KIAA0319: variants seen among roughly 807,000 people sequenced by gnomAD.
KIAA0319 encodes KIAA0319.
KIAA0319 carries 83 observed loss-of-function variants against 108.4 expected under a neutral mutation model. The ratio of observed to expected loss-of-function variants is 0.77; its 90% CI spans 0.64 to 0.92. KIAA0319 has a LOEUF of 0.92. KIAA0319 is among the 40% of genes least tolerant of loss of function. The probability of loss-of-function intolerance (pLI) is 0.00; values close to 1 mark genes in which losing one functional copy is unlikely to be tolerated. For missense variants in KIAA0319, 1,195 were observed against 1,322.4 expected (o/e 0.90, Z 1.49); for synonymous variants, 484 against 510.4 (o/e 0.95, Z 0.70).
In KIAA0319 at chr6:24,578,125, C is replaced by A. The variant is rs753668497; in HGVS notation, c.1490G>T (p.Gly497Val). ...PVLRLSNLDP[G>V]NYSFRLTVTD... is the part of the protein sequence containing the mutation. ...ACCCACTTGCCTGAAACTATAGTTA[C>A]CAGGATCAAGGTTAGACAAGCGTAA... The change falls in exon 9 of 21, where the codon GGT (glycine) becomes GTT (valine). Residue 497 changes from glycine to valine, a missense_variant. Physicochemically the swap from Gly to Val is moderately radical, Grantham distance 109. Transcript: ENST00000378214. The A allele has an allele frequency of 1.2e-6, 2 of 1,610,408 alleles. No individual in the cohort carries two copies. The highest frequency in any genetic ancestry group is 1.7e-6 in the Non-Finnish European group (2 of 1,178,420).
At chr6:24,579,428 TATATCTTATATATCTC>T (rs1396987858) in intron 8 of KIAA0319, among the ~76,000 whole-genome samples, 5 of 143,216 alleles carry the variant, frequency 3.5e-5, no homozygotes, top group South Asian at 2.1e-4. Flanking sequence ...TATATATATA[TATATCTTATATATCTC>T]ATATATATCT....
chr6:24,620,570 G>T (rs1773793070), intron 1 of KIAA0319, among the ~76,000 whole-genome samples: 1 of 152,164 alleles, frequency 6.6e-6, no homozygotes. Flanking sequence ...CAAAATGCTG[G>T]GATTACAGGC....
intron 4 of KIAA0319, among the ~76,000 whole-genome samples, chr6:24,584,461 G>C (rs960791824): frequency 7.1e-5 from 10 of 141,664 alleles, no homozygotes; most frequent in African/African-American, 2.6e-4. Context: ...AAAAAGCTGA[G>C]TGCTCCAGAG....
chr6:24,588,565 T>C, intron 4 of KIAA0319, 28 bp downstream of exon 4: 1 of 1,585,624 alleles, frequency 6.3e-7, no homozygotes, highest in Non-Finnish European at 8.7e-7. Context: ...TCAGTACATT[T>C]CTTGAAATTG....
In KIAA0319 at chr6:24,551,478, T is replaced by C. The variant is rs1761498901; in HGVS notation, c.2996A>G (p.Asp999Gly). 3 of 1,612,816 alleles carry C rather than the reference T, an allele frequency of 1.9e-6. No homozygotes were observed. The East Asian group carries it at 6.7e-5, about 36-fold the overall frequency. Reference protein sequence around the residue: ...IRKKTKYTILDNMDEQERMEL... With the variant: ...IRKKTKYTILGNMDEQERMEL... ...CATTCTTTCCTGTTCATCCATGTTA[T>C]CCAGGATGGTGTACTTTGTTTTTTT... The change falls in exon 20 of 21, where the codon GAT becomes GGT. Residue 999 changes from aspartate (D) to glycine (G), a missense_variant. Transcript: ENST00000378214.
intron 1 of KIAA0319, among the ~76,000 whole-genome samples, chr6:24,643,178 A>C (rs1777185001): frequency 6.6e-6 from 1 of 152,242 alleles, no homozygotes; most frequent in African/African-American, 2.4e-5. Context: ...CTACTGTTAA[A>C]AGACCCTGCA....
intron 20 of KIAA0319, among the ~76,000 whole-genome samples, chr6:24,549,154 T>G (rs1761065143): frequency 6.6e-6 from 1 of 151,816 alleles, no homozygotes; most frequent in Non-Finnish European, 1.5e-5. Flanking sequence ...AAACCCTGTC[T>G]CTACTAAAAA....
chr6:24,604,167 T>C (rs938528366), intron 1 of KIAA0319, among the ~76,000 whole-genome samples: 6 of 152,172 alleles, frequency 3.9e-5, no homozygotes, highest in African/African-American at 1.2e-4. Flanking sequence ...CCTAAAACCC[T>C]AGAGGAAGAA....
At chr6:24,628,590 A>G (rs1775054300) in intron 1 of KIAA0319, among the ~76,000 whole-genome samples, 1 of 152,084 alleles carries the variant, frequency 6.6e-6, no homozygotes, top group African/African-American at 2.4e-5. Flanking sequence ...GGGCTACTGT[A>G]ACAAAGTACA....
chr6:24,581,115 G>T, intron 6 of KIAA0319, 102 bp from the exon 7 acceptor site: 2 of 729,028 alleles, frequency 2.7e-6, no homozygotes, highest in Non-Finnish European at 2.4e-6. Context: ...CCTAAAGTCA[G>T]CATAGAGAAG....
At chr6:24,602,020 C>CTTTTTTTTTTTTT (rs1216820751) in intron 1 of KIAA0319, among the ~76,000 whole-genome samples, 1 of 142,294 alleles carries the variant, frequency 7.0e-6, no homozygotes, top group Non-Finnish European at 1.5e-5. Flanking sequence ...TACTGTATTT[C>CTTTTTTTTTTTTT]TTTTTTTTTT....
At chr6:24,642,027 GAGGGGAGGGGAGAGAAAGGA>G in intron 1 of KIAA0319, among the ~76,000 whole-genome samples, 1 of 137,966 alleles carries the variant, frequency 7.2e-6, no homozygotes, top group East Asian at 2.2e-4. Context: ...AAGAGAAGGG[GAGGGGAGGGGAGAGAAAGGA>G]AGGGGAGGGG....
At chr6:24,556,809 G>T in intron 17 of KIAA0319, 80 bp from the exon 18 acceptor site, 1 of 1,465,654 alleles carries the variant, frequency 6.8e-7, no homozygotes, top group Non-Finnish European at 9.1e-7. Flanking sequence ...ATCTTCAGTA[G>T]CATAGGTCCC....
Position 24,547,256 on chromosome 6 carries a change from C to T in KIAA0319, c.3128G>A (p.Arg1043Gln), listed in dbSNP as rs753600089. Residue 1043 changes from arginine (R) to glutamine (Q), a missense_variant, in exon 21 of 21, where the codon CGA (arginine) becomes CAA (glutamine). Arg to Gln is a conservative substitution (Grantham distance 43). Transcript: ENST00000378214. ...TGGATTCCCTCTCTCCATCTTTTCT[C>T]GGCTGAAGATTGTGTCCTGGTCACT... Reference protein sequence around the residue: ...FDSDQDTIFSREKMERGNPKV... With the variant: ...FDSDQDTIFSQEKMERGNPKV... The T allele has an allele frequency of 3.7e-6, 6 of 1,614,160 alleles. No homozygotes were observed. The highest frequency in any genetic ancestry group is 3.4e-6 in the Non-Finnish European group (4 of 1,179,992).
At chr6:24,563,964 A>G (rs1335034369) in intron 15 of KIAA0319, among the ~76,000 whole-genome samples, 1 of 152,150 alleles carries the variant, frequency 6.6e-6, no homozygotes, top group Non-Finnish European at 1.5e-5. Context: ...TTCTGGCAGG[A>G]AAACAAACAT....
Position 24,558,905 on chromosome 6 carries a change from C to G in KIAA0319, c.2734+108G>C, listed in dbSNP as rs1762697272. The G allele has an allele frequency of 5.4e-6, 6 of 1,108,036 alleles. No homozygotes were observed. In the South Asian group the frequency reaches 1.0e-4, roughly 19 times the overall value. The allele number at this position is 1,108,036 out of a possible 1,614,324, so 68.6% of individuals were successfully genotyped here. On this transcript the variant is annotated intron_variant, in intron 17 of 20. Transcript: ENST00000378214. The stretch of plus-strand genomic sequence containing the variant: ...GGAGAAATAAATGTAAAACAAGTCC[C>G]TGGATGCTAAAGTGAAAATGTTCAC...
Position 24,565,145 on chromosome 6 carries a change from C to A in KIAA0319, c.2293-805G>T, listed in dbSNP as rs529423275. 1.6e-4 allele frequency among the ~76,000 whole-genome samples: 25 copies of A among 151,840 alleles called. No homozygotes were observed. In the East Asian group the frequency reaches 4.5e-3, roughly 27 times the overall value. ...GTGGGCACCTGCAGTCCCAGCTACT[C>A]GGGAGGCTGAGGCAGGAGAATGGCT... is the stretch of plus-strand genomic sequence containing the variant. On this transcript the variant is annotated intron_variant, in intron 14 of 20. Transcript: ENST00000378214.
chr6:24,641,495 G>A lies in KIAA0319; in HGVS notation c.-106+4241C>T, dbSNP rs181876070. The stretch of plus-strand genomic sequence containing the variant: ...AAAATGAAGTCAGAAATGTCTCTAA[G>A]TTTGGGAAAAGCAGTTGTAGTATAG... On this transcript the variant is annotated intron_variant, in intron 1 of 20. Coordinates refer to ENST00000378214, the MANE Select transcript of KIAA0319 (RefSeq NM_014809.4). 1.1e-4 allele frequency among the ~76,000 whole-genome samples: 16 copies of A among 152,322 alleles called. No homozygotes were observed. In the East Asian group the frequency reaches 2.5e-3, roughly 24 times the overall value.
chr6:24,588,256 C>G (rs1381058361), intron 4 of KIAA0319, among the ~76,000 whole-genome samples: 1 of 152,228 alleles, frequency 6.6e-6, no homozygotes, highest in African/African-American at 2.4e-5. Flanking sequence ...CTGGCTCACT[C>G]TATCCTAGCA....
Sources: allele counts gnomAD v4.1 joint callset (sites outside exome capture counted in the v4.1 genomes callset), GRCh38; gene constraint gnomAD v4.1.1; transcripts MANE v1.5; gene names NCBI Gene and HGNC (gene_info 2026-07-23, HGNC 2026-07-21).